The following WDR43 variants were observed in gnomAD, a reference collection of about 807,000 sequenced individuals.
WDR43 encodes WD repeat domain 43, also known as WD repeat-containing protein 43.
A neutral mutation model predicts 91.4 loss-of-function variants in WDR43; 13 were observed. That is an observed-to-expected ratio of 0.14 (90% CI 0.09 to 0.23). The LOEUF is 0.23. Ranked by LOEUF, WDR43 falls within the 10% of genes least tolerant of loss-of-function variation. The pLI is 1.00. For missense variants in WDR43, 780 were observed against 809.4 expected, an observed-to-expected ratio of 0.96 and a Z score of 0.44; for synonymous variants, 331 against 287.9, an observed-to-expected ratio of 1.15 and a Z score of -1.51.
intron 10 of WDR43, among the ~76,000 whole-genome samples, chr2:28,928,247 C>A (rs918658017): frequency 3.3e-5 from 5 of 151,586 alleles, no homozygotes; most frequent in African/African-American, 1.2e-4. Flanking sequence ...GGAATTTTAA[C>A]TGTTTCATTC....
intron 6 of WDR43, among the ~76,000 whole-genome samples, chr2:28,919,868 A>T (rs534405783): frequency 1.3e-5 from 2 of 152,062 alleles, no homozygotes; most frequent in South Asian, 4.1e-4. Flanking sequence ...TTTTGGAGAC[A>T]GAGTCTCTGT....
At chr2:28,907,363 C>G (rs1245617792) in intron 3 of WDR43, among the ~76,000 whole-genome samples, 3 of 150,462 alleles carry the variant, frequency 2.0e-5, no homozygotes, top group Non-Finnish European at 4.4e-5. Context: ...TGGCTCATGC[C>G]TGTAATCCCA....
At chr2:28,934,577 A>G (rs1473932901) in intron 11 of WDR43, among the ~76,000 whole-genome samples, 1 of 152,158 alleles carries the variant, frequency 6.6e-6, no homozygotes, top group Non-Finnish European at 1.5e-5. Context: ...CATTTCACTT[A>G]GTTTGGGATA....
intron 11 of WDR43, chr2:28,929,970 C>A: frequency 1.8e-6 from 1 of 567,176 alleles, no homozygotes; most frequent in Non-Finnish European, 3.4e-6. Context: ...GGTTATTAGG[C>A]TTTAGTTCAT....
intron 3 of WDR43, among the ~76,000 whole-genome samples, chr2:28,907,535 C>A (rs1670705990): frequency 6.6e-6 from 1 of 150,672 alleles, no homozygotes; most frequent in Non-Finnish European, 1.5e-5. Context: ...ATTGCTTGAG[C>A]CTGGGAGGTT....
chr2:28,942,237 T>C (rs1671451806), intron 15 of WDR43, 75 bp from the exon 16 acceptor site: 3 of 1,438,042 alleles, frequency 2.1e-6, no homozygotes, highest in Non-Finnish European at 2.9e-6. Flanking sequence ...GTGGGGAAGG[T>C]TGGGTATGCT....
At chr2:28,914,426 C>A (rs1279569369) in intron 5 of WDR43, among the ~76,000 whole-genome samples, 1 of 152,150 alleles carries the variant, frequency 6.6e-6, no homozygotes, top group Non-Finnish European at 1.5e-5. Context: ...TTTAGTGATA[C>A]AGTGGACTGA....
At position 28,917,965 on chromosome 2, in the gene WDR43, T is replaced by C; in HGVS notation, c.819T>C (p.Ile273=). Residue 273 remains isoleucine, a synonymous_variant, in exon 6 of 18, where the codon ATT becomes ATC. Transcript: ENST00000407426. ...CAGTTACCGATGAACCTGTCTATAT[T>C]GACTTAACTTTGTCAGAAAACAAAG... The part of the protein sequence containing the change: ...SFTVTDEPVY[I]DLTLSENKEE... 1 of 1,582,468 alleles carries C rather than the reference T, an allele frequency of 6.3e-7. No homozygotes were observed. The highest frequency in any genetic ancestry group is 1.3e-5 in the African/African-American group (1 of 74,482).
intron 1 of WDR43, among the ~76,000 whole-genome samples, chr2:28,896,569 G>A (rs1424260440): frequency 6.6e-6 from 1 of 152,164 alleles, no homozygotes; most frequent in African/African-American, 2.4e-5. Flanking sequence ...ATGGAACCAG[G>A]ATTAGAACTC....
In WDR43 at chr2:28,945,680, T is replaced by G. The variant is rs189481857; in HGVS notation, c.1805-770T>G. Among the ~76,000 whole-genome samples the G allele has an allele frequency of 9.8e-5, 15 of 152,366 alleles. No homozygotes were observed. The East Asian group carries it at 2.1e-3, about 22-fold the overall frequency. On this transcript the variant is annotated intron_variant, in intron 16 of 17. Coordinates refer to ENST00000407426, the MANE Select transcript of WDR43 (RefSeq NM_015131.3). ...TATTGCAGCACACTAAGAACCACAT[T>G]GTGCCTGTTATCAGTTTTTTCCTCT...
chr2:28,912,669 A>G lies in WDR43; in HGVS notation c.565A>G (p.Thr189Ala). The change falls in exon 4 of 18, where the codon ACA (threonine) becomes GCA (alanine). Residue 189 changes from threonine to alanine, a missense_variant. This residue lies in a region of WDR43 where 174 missense variants were observed against 207.3 expected (regional missense o/e 0.84). Coordinates refer to ENST00000407426, the MANE Select transcript of WDR43 (RefSeq NM_015131.3). ...AAAGATGTTGCTTTCAGCTGGTCGA[A>G]CAATCAAACTATGGGTTTTGGAGAC... is the stretch of plus-strand genomic sequence containing the variant. ...DGKMLLSAGR[T>A]IKLWVLETKE... 2 of 1,614,044 alleles carry G rather than the reference A, an allele frequency of 1.2e-6. No homozygotes were observed. Among genetic ancestry groups the G allele is most frequent in the Non-Finnish European group, 1.7e-6 (2 of 1,179,892 alleles).
At chr2:28,931,236 C>G (rs1285364285) in intron 11 of WDR43, among the ~76,000 whole-genome samples, 1 of 152,088 alleles carries the variant, frequency 6.6e-6, no homozygotes, top group Non-Finnish European at 1.5e-5. Context: ...CGCATGCCAC[C>G]ATGCCCAGCT....
At chr2:28,946,543 C>T (rs1219383452) in intron 17 of WDR43, 44 bp downstream of exon 17, 4 of 1,594,974 alleles carry the variant, frequency 2.5e-6, no homozygotes, top group Non-Finnish European at 2.6e-6. Flanking sequence ...TTTATATCCT[C>T]ATACTCTGTA....
chr2:28,903,931 A>G (rs1404492787), intron 2 of WDR43, among the ~76,000 whole-genome samples: 2 of 152,070 alleles, frequency 1.3e-5, no homozygotes, highest in African/African-American at 4.8e-5. Context: ...CAGCCTCCTG[A>G]GTAGCTGGGA....
intron 12 of WDR43, among the ~76,000 whole-genome samples, chr2:28,935,897 A>G (rs570548116): frequency 1.3e-5 from 2 of 152,328 alleles, no homozygotes; most frequent in Admixed American, 6.5e-5. Context: ...CTGTATGTAC[A>G]GGATATCATC....
rs1367404719 is a variant in WDR43, at chr2:28,935,755, A to G, written c.1524+148A>G. 40 of 329,298 alleles carry G rather than the reference A, an allele frequency of 1.2e-4. No individual in the cohort carries two copies. In the East Asian group the frequency reaches 1.9e-3, roughly 16 times the overall value. 20.4% of individuals were successfully genotyped at this position (329,298 alleles called of 1,614,324 possible). A position where few individuals can be genotyped will look rare whatever the true frequency, so the allele number is the denominator to read the frequency against. On this transcript the variant is annotated intron_variant, in intron 12 of 17. Coordinates refer to ENST00000407426, the MANE Select transcript of WDR43 (RefSeq NM_015131.3). ...GAGGAAAGTACTTTAGACAAAAAAA[A>G]AAAAAAAAAAAAAGTGAAATTAATT... is the stretch of plus-strand genomic sequence containing the variant.
At position 28,926,567 on chromosome 2, in the gene WDR43, C is replaced by T. The variant is rs1572596074; in HGVS notation, c.1173+13C>T. 2 of 1,567,112 alleles carry T rather than the reference C, an allele frequency of 1.3e-6. No individual in the cohort carries two copies. Among genetic ancestry groups the T allele is most frequent in the African/African-American group, 1.4e-5 (1 of 73,652 alleles). ...AGCTATAACAAAGGTGAGCACATTA[C>T]AAATTTGAAGTTTTAAGAAAAAGAA... is the stretch of plus-strand genomic sequence containing the variant. On this transcript the variant is annotated intron_variant, in intron 9 of 17. Coordinates refer to ENST00000407426, the MANE Select transcript of WDR43 (RefSeq NM_015131.3).
At chr2:28,939,373 A>G (rs182215509) in intron 14 of WDR43, among the ~76,000 whole-genome samples, 1 of 152,332 alleles carries the variant, frequency 6.6e-6, no homozygotes, top group African/African-American at 2.4e-5. Context: ...GAGATCTTGT[A>G]GTGAAATCTT....
At chr2:28,926,606 G>A in intron 9 of WDR43, 52 bp downstream of exon 9, 1 of 1,420,048 alleles carries the variant, frequency 7.0e-7, no homozygotes, top group Non-Finnish European at 9.6e-7. Context: ...TTCTTTGGGT[G>A]AATGGAACTG....
Sources: gnomAD v4.1 joint callset for allele counts (sites outside exome capture counted in the v4.1 genomes callset) on GRCh38, gnomAD v4.1.1 for gene constraint, gnomAD v4.1.1 regional missense constraint, MANE v1.5 for transcripts, NCBI Gene and HGNC (gene_info 2026-07-23, HGNC 2026-07-21) for gene names.